AKAP13: variants seen among roughly 807,000 people sequenced by gnomAD.
AKAP13 encodes A-kinase anchor protein 13.
In AKAP13, 80 loss-of-function variants were observed where a neutral mutation model predicts 264.5. That is an observed-to-expected ratio of 0.30 (90% CI 0.25 to 0.36). The LOEUF is 0.36. Among genes scored for constraint, AKAP13 ranks in the 10% least tolerant of loss-of-function variants. The probability of loss-of-function intolerance (pLI) is 1.00; values close to 1 mark genes in which losing one functional copy is unlikely to be tolerated. For synonymous variants in AKAP13, 1,380 were observed against 1,250.2 expected (o/e 1.10, Z -2.19); for missense variants, 3,712 against 3,435.2 (o/e 1.08, Z -2.01).
intron 1 of AKAP13, among the ~76,000 whole-genome samples, chr15:85,443,393 A>G (rs915559488): frequency 1.3e-5 from 2 of 152,190 alleles, no homozygotes; most frequent in African/African-American, 4.8e-5. Context: ...TACTTTCTTA[A>G]GTATTAACTA....
At chr15:85,710,545 G>T (rs1227687175) in intron 18 of AKAP13, 34 bp from the exon 19 acceptor site, 1 of 1,607,236 alleles carries the variant, frequency 6.2e-7, no homozygotes, top group East Asian at 2.2e-5. Flanking sequence ...TGTCAGAGGT[G>T]AATTGTCAAT....
intron 4 of AKAP13, chr15:85,534,738 A>G (rs1244186806): frequency 6.6e-6 from 1 of 152,138 alleles, no homozygotes; most frequent in East Asian, 1.9e-4. Context: ...GCGCCCGGCC[A>G]GAACTCCACT....
At chr15:85,677,939 C>T (rs936769372) in intron 14 of AKAP13, among the ~76,000 whole-genome samples, 15 of 152,102 alleles carry the variant, frequency 9.9e-5, no homozygotes, top group African/African-American at 3.4e-4. Flanking sequence ...TGAGCCACAG[C>T]GCCCAGCCGG....
chr15:85,404,593 ATAAACCCTGCTTCAT>A, intron 1 of AKAP13, among the ~76,000 whole-genome samples: 1 of 152,366 alleles, frequency 6.6e-6, no homozygotes, highest in Non-Finnish European at 1.5e-5. Flanking sequence ...TGTTTCCTAC[ATAAACCCTGCTTCAT>A]TCTCACAGTT....
chr15:85,430,262 T>G (rs996182820), intron 1 of AKAP13, among the ~76,000 whole-genome samples: 1 of 152,244 alleles, frequency 6.6e-6, no homozygotes, highest in African/African-American at 2.4e-5. Flanking sequence ...TCTTAATCAT[T>G]GTAGCAGGTT....
chr15:85,512,818 TATGTATG>T (rs2076477213), intron 2 of AKAP13, among the ~76,000 whole-genome samples: 5 of 4,270 alleles, frequency 1.2e-3, no homozygotes, highest in African/African-American at 1.6e-3. Flanking sequence ...TATTTTTATG[TATGTATG>T]TATGTATGTA....
chr15:85,439,898 G>T (rs1440604766), intron 1 of AKAP13, among the ~76,000 whole-genome samples: 1 of 150,718 alleles, frequency 6.6e-6, no homozygotes, highest in African/African-American at 2.4e-5. Context: ...TGCAGCGCAC[G>T]AGCATGGCAC....
In AKAP13 at chr15:85,744,645, G is replaced by A. The variant is rs765677409; in HGVS notation, c.8410G>A (p.Val2804Ile). Residue 2804 changes from valine (V) to isoleucine (I), a missense_variant, in exon 37 of 37, where the codon GTA becomes ATA. By Grantham distance (29) the Val-to-Ile change is conservative. Around this residue, in one of 3 missense-constraint regions of AKAP13, gnomAD observed 611 missense variants for 539.3 expected, o/e 1.13. Coordinates refer to ENST00000394518, the MANE Select transcript of AKAP13 (RefSeq NM_007200.5). ...ATTTCCAGATGGTCCCGCGTCAGAA[G>A]TATCAGCAGAGGGTGAAGAGATCTT... ...SQPGDGPASE[V>I]SAEGEEIFC is the part of the protein sequence containing the mutation. 6.2e-7 allele frequency: 1 copy of A among 1,613,526 alleles called. No homozygotes were observed. The highest frequency in any genetic ancestry group is 8.5e-7 in the Non-Finnish European group (1 of 1,179,818).
intron 13 of AKAP13, among the ~76,000 whole-genome samples, chr15:85,665,114 G>C (rs183709797): frequency 2.2e-4 from 33 of 152,200 alleles, no homozygotes; most frequent in Non-Finnish European, 4.3e-4. Flanking sequence ...GAGGTAGGAG[G>C]ATTACTTGAG....
In AKAP13 at chr15:85,542,347, A is replaced by C. The variant is rs1163413231; in HGVS notation, c.479-1425A>C. 2.0e-5 allele frequency among the ~76,000 whole-genome samples: 3 copies of C among 152,150 alleles called. No individual in the cohort carries two copies. In the East Asian group the frequency reaches 5.8e-4, roughly 29 times the overall value. ...CTGTAGGGAAAATATACAATATGAA[A>C]AATTGTGCTTCCAAGGAAATTTACC... is the stretch of plus-strand genomic sequence containing the variant. On this transcript the variant is annotated intron_variant, in intron 4 of 36. Transcript: ENST00000394518.
intron 2 of AKAP13, among the ~76,000 whole-genome samples, chr15:85,508,968 G>T (rs1422287335): frequency 2.0e-5 from 3 of 152,040 alleles, no homozygotes; most frequent in Non-Finnish European, 4.4e-5. Flanking sequence ...CCCTATTTCA[G>T]ACAAACTTTA....
rs2087130004 is a variant in AKAP13 at position 85,719,059 on chromosome 15, C to A, written c.6002-17C>A. On this transcript the variant is annotated splice_polypyrimidine_tract_variant and intron_variant, in intron 22 of 36. Transcript: ENST00000394518. ...TAAAAGAGTGTTCCTGACACTTGAT[C>A]TTTTTCCTCCTTTTAGAGTTGATGC... 6.2e-7 allele frequency: 1 copy of A among 1,612,462 alleles called. No individual in the cohort carries two copies. The highest frequency in any genetic ancestry group is 1.3e-5 in the African/African-American group (1 of 75,008).
intron 8 of AKAP13, among the ~76,000 whole-genome samples, chr15:85,608,803 A>C (rs1349834058): frequency 6.6e-6 from 1 of 152,226 alleles, no homozygotes; most frequent in Non-Finnish European, 1.5e-5. Context: ...AGATTGGTTA[A>C]GGGTCATGGA....
intron 2 of AKAP13, among the ~76,000 whole-genome samples, chr15:85,520,131 A>G (rs2076761702): frequency 6.6e-6 from 1 of 152,108 alleles, no homozygotes. Flanking sequence ...AATAATTAGG[A>G]CTGTATTTCA....
chr15:85,486,217 A>C (rs572839783), intron 2 of AKAP13, among the ~76,000 whole-genome samples: 1 of 151,592 alleles, frequency 6.6e-6, no homozygotes, highest in African/African-American at 2.4e-5. Flanking sequence ...GTGGGTTGTC[A>C]TTTCACTTTC....
At chr15:85,413,904 A>T (rs2072104377) in intron 1 of AKAP13, among the ~76,000 whole-genome samples, 1 of 152,170 alleles carries the variant, frequency 6.6e-6, no homozygotes, top group Admixed American at 6.5e-5. Context: ...AGCTTTATTT[A>T]CATTATCCAT....
At chr15:85,620,306 G>T (rs1193112870) in intron 8 of AKAP13, 8 of 786,484 alleles carry the variant, frequency 1.0e-5, no homozygotes, top group African/African-American at 1.7e-5. Context: ...AGGATGAGGG[G>T]TGAATGTAAG....
chr15:85,682,317 T>G, intron 15 of AKAP13, 105 bp downstream of exon 15: 1 of 1,177,696 alleles, frequency 8.5e-7, no homozygotes, highest in Non-Finnish European at 1.2e-6. Flanking sequence ...CTTATTGGGT[T>G]CTTCTTTGAG....
chr15:85,554,511 G>C (rs901222435), intron 5 of AKAP13, among the ~76,000 whole-genome samples: 5 of 152,138 alleles, frequency 3.3e-5, no homozygotes, highest in Non-Finnish European at 7.3e-5. Flanking sequence ...CAGAATTTTG[G>C]AGGGTAAATT....
Sources: gnomAD v4.1 joint callset for allele counts (sites outside exome capture counted in the v4.1 genomes callset) on GRCh38, gnomAD v4.1.1 for gene constraint, gnomAD v4.1.1 regional missense constraint, MANE v1.5 for transcripts, NCBI Gene and HGNC (gene_info 2026-07-23, HGNC 2026-07-21) for gene names.